SGCD: variants seen among roughly 807,000 people sequenced by gnomAD.
SGCD encodes delta-sarcoglycan.
SGCD carries 18 observed loss-of-function variants against 36.6 expected under a neutral mutation model. That is an observed-to-expected ratio of 0.49 (90% confidence interval 0.34 to 0.73). The LOEUF (loss-of-function observed/expected upper bound fraction) is 0.73. Among genes scored for constraint, SGCD ranks in the 30% least tolerant of loss-of-function variants. The pLI is 0.01. For synonymous variants in SGCD, 133 were observed against 130.6 expected (o/e 1.02, Z -0.12); for missense variants, 387 against 346.7 (o/e 1.12, Z -0.92).
chr5:155,844,651 A>C, the SGCD span, among the ~76,000 whole-genome samples: 1 of 152,210 alleles, frequency 6.6e-6, no homozygotes, highest in Admixed American at 6.5e-5. Context: ...ACTAAAACTT[A>C]ATTGAGGAAG....
the SGCD span, among the ~76,000 whole-genome samples, chr5:155,737,042 T>G: frequency 6.6e-6 from 1 of 151,512 alleles, no homozygotes; most frequent in Non-Finnish European, 1.5e-5. Context: ...AGCTGAGGGT[T>G]GGGCAAGTTA....
At chr5:155,800,146 GT>G in the SGCD span, among the ~76,000 whole-genome samples, 4 of 151,988 alleles carry the variant, frequency 2.6e-5, no homozygotes, top group Admixed American at 6.6e-5. Context: ...TTCTGGGATA[GT>G]TTAATAGCAT....
At chr5:155,753,751 G>A in the SGCD span, among the ~76,000 whole-genome samples, 3 of 152,130 alleles carry the variant, frequency 2.0e-5, no homozygotes, top group Admixed American at 6.5e-5. Flanking sequence ...GTTCTCAATC[G>A]TGTAGGGATA....
chr5:156,053,688 G>A (rs1266607347), intron 1 of SGCD, among the ~76,000 whole-genome samples: 4 of 146,110 alleles, frequency 2.7e-5, no homozygotes, highest in African/African-American at 7.4e-5. Context: ...ACCACATAAT[G>A]AAATAGAGAA....
chr5:155,796,716 G>A, the SGCD span, among the ~76,000 whole-genome samples: 1 of 148,238 alleles, frequency 6.7e-6, no homozygotes, highest in Non-Finnish European at 1.5e-5. Context: ...TGAGGCAGGG[G>A]AATCGCTTGA....
At chr5:156,584,039 G>A (rs912800259) in intron 4 of SGCD, among the ~76,000 whole-genome samples, 6 of 152,042 alleles carry the variant, frequency 3.9e-5, no homozygotes, top group East Asian at 1.9e-4. Flanking sequence ...ATCCCAAGAC[G>A]CAATCCATTA....
chr5:156,612,847 A>G (rs1761878817), intron 6 of SGCD, among the ~76,000 whole-genome samples: 1 of 152,194 alleles, frequency 6.6e-6, no homozygotes, highest in African/African-American at 2.4e-5. Flanking sequence ...TGCACAGTGG[A>G]GAGTCCTACT....
At chr5:156,393,097 G>A (rs4704799) in intron 3 of SGCD, among the ~76,000 whole-genome samples, 57,302 of 152,038 alleles carry the variant, frequency 0.38, 11,654 homozygotes, top group Middle Eastern at 0.54. Context: ...TCCCTGCCCC[G>A]CTTCCATATC....
the SGCD span, among the ~76,000 whole-genome samples, chr5:155,768,200 T>A: frequency 1.3e-5 from 2 of 152,262 alleles, no homozygotes; most frequent in South Asian, 4.1e-4. Context: ...TATTCTCCAG[T>A]ATGTTTCTTA....
At chr5:156,510,243 A>C (rs904368544) in intron 4 of SGCD, among the ~76,000 whole-genome samples, 4 of 152,226 alleles carry the variant, frequency 2.6e-5, no homozygotes, top group African/African-American at 9.6e-5. Context: ...TGGGTACTTA[A>C]AGTACACAGA....
intron 6 of SGCD, among the ~76,000 whole-genome samples, chr5:156,616,732 AC>A (rs1762034424): frequency 6.6e-6 from 1 of 152,144 alleles, no homozygotes; most frequent in South Asian, 2.1e-4. Context: ...GTCTTCCCTG[AC>A]CACTTTATAA....
At position 156,757,304 on chromosome 5, in the gene SGCD, T is replaced by C. The variant is rs76665508; in HGVS notation, c.576-277T>C. 0.011 allele frequency among the ~76,000 whole-genome samples: 1,671 copies of C among 147,358 alleles called. 37 individuals carry two copies. Among genetic ancestry groups the C allele is most frequent in the African/African-American group, 0.04 (1,600 of 39,950 alleles). On this transcript the variant is annotated intron_variant, in intron 7 of 8. Transcript: ENST00000337851. ...AAAAAAAAAAAAGCTTATATGAGTT[T>C]GATTAATTATACCAATAAAACAACA...
intron 3 of SGCD, among the ~76,000 whole-genome samples, chr5:156,220,067 C>T (rs930685092): frequency 5.9e-5 from 9 of 152,132 alleles, no homozygotes; most frequent in African/African-American, 9.7e-5. Context: ...CATATCTACA[C>T]GTAGCTACTT....
intron 3 of SGCD, among the ~76,000 whole-genome samples, chr5:156,472,099 T>A (rs1341512062): frequency 6.6e-6 from 1 of 152,144 alleles, no homozygotes; most frequent in Non-Finnish European, 1.5e-5. Flanking sequence ...ATGGAAAGAT[T>A]GACTAAACCA....
chr5:155,865,097 T>TAGAC, the SGCD span, among the ~76,000 whole-genome samples: 1 of 151,570 alleles, frequency 6.6e-6, no homozygotes, highest in Non-Finnish European at 1.5e-5. Context: ...GATAGATAGA[T>TAGAC]AGATAGATAG....
intron 6 of SGCD, among the ~76,000 whole-genome samples, chr5:156,624,095 A>G (rs1357140162): frequency 1.3e-5 from 2 of 152,166 alleles, no homozygotes; most frequent in Admixed American, 1.3e-4. Context: ...TGAGAAATGT[A>G]CCAGAGAGAC....
At chr5:156,535,040 A>G (rs144118299) in intron 4 of SGCD, among the ~76,000 whole-genome samples, 24 of 152,346 alleles carry the variant, frequency 1.6e-4, no homozygotes, top group African/African-American at 5.5e-4. Flanking sequence ...CCAAAATTGT[A>G]CCTTCTGAGC....
intron 6 of SGCD, among the ~76,000 whole-genome samples, chr5:156,621,411 T>C (rs1762241904): frequency 6.6e-6 from 1 of 152,146 alleles, no homozygotes; most frequent in Admixed American, 6.5e-5. Context: ...CAGGCTTGTC[T>C]CCAATTCCTG....
chr5:156,233,324 T>A (rs1765069097), intron 3 of SGCD, among the ~76,000 whole-genome samples: 1 of 152,216 alleles, frequency 6.6e-6, no homozygotes, highest in African/African-American at 2.4e-5. Context: ...AAAGCTGCTA[T>A]AACTTTCAAT....
Sources: gnomAD v4.1 joint callset for allele counts (sites outside exome capture counted in the v4.1 genomes callset) on GRCh38, gnomAD v4.1.1 for gene constraint, MANE v1.5 for transcripts, NCBI Gene and HGNC (gene_info 2026-07-23, HGNC 2026-07-21) for gene names.